Variants in ROR2 observed in about 807,000 individuals in gnomAD.
ROR2 encodes the protein tyrosine-protein kinase transmembrane receptor ROR2.
In ROR2, 33 loss-of-function variants were observed where a neutral mutation model predicts 74.9. The ratio of observed to expected loss-of-function variants is 0.44; its 90% CI spans 0.33 to 0.59. The LOEUF is 0.59. ROR2 is among the 20% of genes least tolerant of loss of function. ROR2 has a pLI of 0.02. For missense variants in ROR2, 1,216 were observed against 1,313.8 expected (o/e 0.93, Z 1.15); for synonymous variants, 586 against 558.7 (o/e 1.05, Z -0.69).
At chr9:91,798,982 G>T (rs560452904) in intron 1 of ROR2, among the ~76,000 whole-genome samples, 150 of 152,202 alleles carry the variant, frequency 9.9e-4, no homozygotes, top group Non-Finnish European at 1.7e-3. Context: ...GGAGACTTGC[G>T]ATTAAGAATT....
At chr9:91,937,326 G>C (rs1197815495) in intron 1 of ROR2, among the ~76,000 whole-genome samples, 1 of 152,066 alleles carries the variant, frequency 6.6e-6, no homozygotes, top group African/African-American at 2.4e-5. Context: ...TCAAATATTT[G>C]TAAAGCGCAG....
chr9:91,908,201 G>C (rs1334709579), intron 1 of ROR2, among the ~76,000 whole-genome samples: 4 of 152,148 alleles, frequency 2.6e-5, no homozygotes, highest in Admixed American at 1.3e-4. Context: ...GTGAGTGGTG[G>C]GGACGCTATC....
intron 1 of ROR2, among the ~76,000 whole-genome samples, chr9:91,866,364 C>T (rs1383430149): frequency 1.3e-5 from 2 of 151,286 alleles, no homozygotes; most frequent in South Asian, 2.1e-4. Flanking sequence ...ATTATCTGCC[C>T]GCCTCGGCCT....
intron 1 of ROR2, among the ~76,000 whole-genome samples, chr9:91,943,822 T>G (rs1452738810): frequency 6.6e-6 from 1 of 152,228 alleles, no homozygotes; most frequent in Non-Finnish European, 1.5e-5. Context: ...TTTTTTGAAC[T>G]TGTAGAATGT....
Position 91,725,072 on chromosome 9 carries a change from C to G in ROR2, c.1422G>C (p.Arg474Ser), listed in dbSNP as rs1331743009. Residue 474 changes from arginine (R) to serine (S), a missense_variant, in exon 9 of 9, where the codon AGG becomes AGC. Arg to Ser is a moderately radical substitution (Grantham distance 110). Transcript: ENST00000375708. The stretch of plus-strand genomic sequence containing the variant: ...GGTCCTCTCCCAGCTCCTCCATGAA[C>G]CTCACCGCAGACAGGCTGATCTCTT... ...KLKEISLSAV[R>S]FMEELGEDRF... The G allele has an allele frequency of 6.2e-7, 1 of 1,614,078 alleles. No individual in the cohort carries two copies. The highest frequency in any genetic ancestry group is 8.5e-7 in the Non-Finnish European group (1 of 1,180,032).
chr9:91,814,729 T>G (rs1827873140), intron 1 of ROR2, among the ~76,000 whole-genome samples: 1 of 152,044 alleles, frequency 6.6e-6, no homozygotes, highest in African/African-American at 2.4e-5. Flanking sequence ...AATGACAGGG[T>G]TCTGCCTTTC....
intron 1 of ROR2, among the ~76,000 whole-genome samples, chr9:91,912,864 C>T (rs111513989): frequency 0.077 from 11,686 of 152,298 alleles, 657 homozygotes; most frequent in Non-Finnish European, 0.11. Flanking sequence ...CGTGTTGGCT[C>T]ACGCCTGTAA....
At position 91,791,591 on chromosome 9, in the gene ROR2, A is replaced by G. The variant is rs116286311; in HGVS notation, c.98-15773T>C. ...AACAACAGAGACCCACAATATGTGA[A>G]GCAGAAACTTACAGAAATAAAAGGA... On this transcript the variant is annotated intron_variant, in intron 1 of 8. Transcript: ENST00000375708. Among the ~76,000 whole-genome samples the G allele has an allele frequency of 3.5e-3, 534 of 152,380 alleles. 3 individuals are homozygous for G. The highest frequency in any genetic ancestry group is 0.011 in the African/African-American group (474 of 41,590).
intron 8 of ROR2, among the ~76,000 whole-genome samples, chr9:91,725,952 T>A (rs1837014278): frequency 6.6e-6 from 1 of 152,180 alleles, no homozygotes; most frequent in African/African-American, 2.4e-5. Context: ...TGGCTGAGAA[T>A]GATGTTACCT....
chr9:91,842,398 C>G (rs140064974), intron 1 of ROR2, among the ~76,000 whole-genome samples: 1 of 152,172 alleles, frequency 6.6e-6, no homozygotes, highest in East Asian at 1.9e-4. Flanking sequence ...CATCATTATC[C>G]CGATTATCAG....
chr9:91,869,784 A>G (rs1006506135), intron 1 of ROR2, among the ~76,000 whole-genome samples: 5 of 152,230 alleles, frequency 3.3e-5, no homozygotes, highest in Non-Finnish European at 4.4e-5. Flanking sequence ...ATAGAACTAC[A>G]TATCACAAAA....
chr9:91,778,582 GA>G (rs1186851453), intron 1 of ROR2, among the ~76,000 whole-genome samples: 1 of 152,198 alleles, frequency 6.6e-6, no homozygotes, highest in East Asian at 1.9e-4. Flanking sequence ...CATCAGAAAA[GA>G]GATTCTGAGA....
intron 1 of ROR2, among the ~76,000 whole-genome samples, chr9:91,895,477 C>A (rs908213644): frequency 2.0e-5 from 3 of 152,126 alleles, no homozygotes; most frequent in Non-Finnish European, 4.4e-5. Context: ...GGATGTTGGG[C>A]AGGTTACAGG....
intron 1 of ROR2, among the ~76,000 whole-genome samples, chr9:91,846,694 T>C (rs1828945301): frequency 1.3e-5 from 2 of 152,058 alleles, no homozygotes. Context: ...GTCTTGCCTG[T>C]ACCCTCAGCC....
chr9:91,729,870 T>A (rs1837173063), intron 7 of ROR2, among the ~76,000 whole-genome samples: 1 of 152,164 alleles, frequency 6.6e-6, no homozygotes, highest in Admixed American at 6.5e-5. Flanking sequence ...AAGTGTAAAA[T>A]CTGAGAAGCA....
chr9:91,782,496 A>G (rs190560898), intron 1 of ROR2, among the ~76,000 whole-genome samples: 5 of 151,374 alleles, frequency 3.3e-5, no homozygotes, highest in Admixed American at 1.3e-4. Context: ...GGGGTGTCCA[A>G]TCTTTTGGCT....
chr9:91,733,220 C>A lies in ROR2; in HGVS notation c.839G>T (p.Arg280Leu). 1.2e-6 allele frequency: 2 copies of A among 1,612,340 alleles called. No individual in the cohort carries two copies. The highest frequency in any genetic ancestry group is 1.3e-5 in the African/African-American group (1 of 75,040). The change falls in exon 6 of 9, where the codon CGG becomes CTG. Residue 280 changes from arginine (R) to leucine (L), a missense_variant. Transcript: ENST00000375708. This position sits in a 1 kb window ranked among gnomAD's most constrained non-coding sequence, Gnocchi z 5.7. ...IARSNPLILM[R>L]LQLPKCEALP... ...CGCCTCACACTTGGGCAGCTGAAGC[C>A]GCATGAGGATGAGCGGGTTGGAGCG... is the stretch of plus-strand genomic sequence containing the variant.
At chr9:91,878,094 T>C (rs1830004372) in intron 1 of ROR2, among the ~76,000 whole-genome samples, 1 of 152,102 alleles carries the variant, frequency 6.6e-6, no homozygotes, top group Non-Finnish European at 1.5e-5. Context: ...GCAAATGGAA[T>C]ATTTATAGCA....
intron 1 of ROR2, among the ~76,000 whole-genome samples, chr9:91,949,496 G>C (rs998361527): frequency 1.3e-5 from 2 of 151,934 alleles, no homozygotes; most frequent in East Asian, 3.9e-4. Flanking sequence ...AGGAAGCCCG[G>C]GTCCTGGGAC....
Sources: gnomAD v4.1 joint callset for allele counts (sites outside exome capture counted in the v4.1 genomes callset) on GRCh38, gnomAD v4.1.1 for gene constraint, Gnocchi (gnomAD v3.1) non-coding constraint, MANE v1.5 for transcripts, NCBI Gene and HGNC (gene_info 2026-07-23, HGNC 2026-07-21) for gene names.